PARVB: variants seen among roughly 807,000 people sequenced by gnomAD.
PARVB encodes beta-parvin.
PARVB carries 46 observed loss-of-function variants against 47.0 expected under a neutral mutation model. The observed-to-expected ratio is 0.98, with a 90% CI of 0.77 to 1.25. PARVB has a LOEUF of 1.25. PARVB is among the 50% of genes most tolerant of loss of function. The pLI is 0.00. For missense variants in PARVB, 473 were observed against 471.6 expected (o/e 1.00, Z -0.03); for synonymous variants, 196 against 196.3 (o/e 1.00, Z 0.01).
intron 2 of PARVB, among the ~76,000 whole-genome samples, chr22:44,012,500 C>A (rs938705572): frequency 6.6e-6 from 1 of 152,190 alleles, no homozygotes; most frequent in Admixed American, 6.5e-5. Flanking sequence ...TGCCAGATCA[C>A]TAAATTAGCA....
At chr22:44,027,236 G>A (rs566995175) in intron 1 of PARVB, among the ~76,000 whole-genome samples, 1 of 152,174 alleles carries the variant, frequency 6.6e-6, no homozygotes, top group Non-Finnish European at 1.5e-5. Context: ...GGAGGAGCCC[G>A]TGTGCAGAGA....
At chr22:44,129,044 C>T (rs1173596011) in intron 4 of PARVB, among the ~76,000 whole-genome samples, 2 of 152,160 alleles carry the variant, frequency 1.3e-5, no homozygotes, top group Non-Finnish European at 1.5e-5. Context: ...TGCCATTGCA[C>T]TCCAGCCTGG....
intron 5 of PARVB, among the ~76,000 whole-genome samples, chr22:44,132,118 C>G (rs1226503108): frequency 6.6e-6 from 1 of 152,204 alleles, no homozygotes; most frequent in Non-Finnish European, 1.5e-5. Context: ...CCCACTCCTT[C>G]CCCACCTCCC....
At chr22:44,110,098 G>A (rs1021693667) in intron 3 of PARVB, 3 of 114,678 alleles carry the variant, frequency 2.6e-5, no homozygotes, top group Non-Finnish European at 5.0e-5. Flanking sequence ...GGGCGACAGA[G>A]CGAGACTCCG....
intron 4 of PARVB, among the ~76,000 whole-genome samples, 188 bp from the exon 5 acceptor site, chr22:44,131,299 G>A (rs553469271): frequency 6.6e-6 from 1 of 151,580 alleles, no homozygotes; most frequent in Non-Finnish European, 1.5e-5. Context: ...GCGCCACCAC[G>A]CCTGGCTAAT....
At chr22:44,083,863 C>T (rs911628715) in intron 1 of PARVB, among the ~76,000 whole-genome samples, 1 of 152,138 alleles carries the variant, frequency 6.6e-6, no homozygotes, top group Admixed American at 6.5e-5. Context: ...GGAAGGATTT[C>T]TACATCAGAC....
At chr22:44,138,429 G>T (rs2053485476) in intron 7 of PARVB, among the ~76,000 whole-genome samples, 2 of 152,176 alleles carry the variant, frequency 1.3e-5, no homozygotes, top group South Asian at 4.1e-4. Context: ...GCCAGCCAGG[G>T]TCAGGGTAAA....
At position 44,131,568 on chromosome 22, in the gene PARVB, T is replaced by C. The variant is rs1601654214; in HGVS notation, c.458T>C (p.Leu153Pro). The C allele has an allele frequency of 6.2e-7, 1 of 1,614,156 alleles. No homozygotes were observed. The highest frequency in any genetic ancestry group is 8.5e-7 in the Non-Finnish European group (1 of 1,180,018). Residue 153 changes from leucine to proline, a missense_variant, in exon 5 of 13, where the codon CTG becomes CCG. Transcript: ENST00000338758. The stretch of plus-strand genomic sequence containing the variant: ...CAGAAACAGAAGCTGCAGACGGTGC[T>C]GGAAGCAGTACATGACCTGCTGCGG... ...IGQKQKLQTV[L>P]EAVHDLLRPR...
At chr22:44,122,520 C>T (rs7284401) in intron 4 of PARVB, among the ~76,000 whole-genome samples, 4 of 49,832 alleles carry the variant, frequency 8.0e-5, no homozygotes, top group Non-Finnish European at 1.7e-4. Flanking sequence ...GAGAGAGAGA[C>T]AGAGAGACAG....
upstream of PARVB, among the ~76,000 whole-genome samples, chr22:44,023,408 G>T (rs541920046): frequency 6.6e-6 from 1 of 152,050 alleles, no homozygotes; most frequent in Non-Finnish European, 1.5e-5. Flanking sequence ...CTACTCAGGA[G>T]GCTGAGACAG....
intron 8 of PARVB, chr22:44,145,775 C>T (rs2053651072): frequency 6.6e-6 from 1 of 152,224 alleles, no homozygotes; most frequent in African/African-American, 2.4e-5. Context: ...AGTGGCTTGA[C>T]TCTGCCAGCC....
intron 1 of PARVB, among the ~76,000 whole-genome samples, chr22:44,059,925 G>T (rs548009846): frequency 6.6e-6 from 1 of 152,248 alleles, no homozygotes; most frequent in Admixed American, 6.5e-5. Flanking sequence ...CTACCACGAT[G>T]CTTTCTCTGC....
At chr22:44,069,869 TC>T (rs1429512451) in intron 1 of PARVB, among the ~76,000 whole-genome samples, 1 of 152,172 alleles carries the variant, frequency 6.6e-6, no homozygotes, top group Non-Finnish European at 1.5e-5. Flanking sequence ...GTGTTTCCCC[TC>T]TAAGTAGCTG....
At chr22:44,062,990 G>A (rs1247455235) in intron 1 of PARVB, among the ~76,000 whole-genome samples, 1 of 152,174 alleles carries the variant, frequency 6.6e-6, no homozygotes, top group African/African-American at 2.4e-5. Context: ...TTCTAATTGT[G>A]TCTGGGTCTT....
intron 2 of PARVB, among the ~76,000 whole-genome samples, chr22:44,016,196 AC>A (rs1388379968): frequency 6.8e-6 from 1 of 147,072 alleles, no homozygotes; most frequent in Non-Finnish European, 1.5e-5. Context: ...TCCCAGGTTT[AC>A]GCAATTCTCC....
Position 44,125,294 on chromosome 22 carries a change from AAC to A in PARVB, c.376+6156_376+6157del, listed in dbSNP as rs201383509. Among the ~76,000 whole-genome samples the A allele has an allele frequency of 7.0e-6, 1 of 142,020 alleles. No individual in the cohort carries two copies. The highest frequency in any genetic ancestry group is 2.5e-5 in the African/African-American group (1 of 40,264). The allele number at this position is 142,020 out of a possible 152,430, so 93.2% of individuals were successfully genotyped here. ...TCTTGGCTGTAGAGACACAGTGGGA[AAC>A]AAGAGAGATGAGCCCCGCACCCTGC... On this transcript the variant is annotated intron_variant, in intron 4 of 12. Transcript: ENST00000338758. This position sits in a 1 kb window ranked among gnomAD's most constrained non-coding sequence, Gnocchi z 4.1.
intron 4 of PARVB, among the ~76,000 whole-genome samples, chr22:44,130,573 T>G (rs1195801365): frequency 6.6e-6 from 1 of 152,228 alleles, no homozygotes; most frequent in African/African-American, 2.4e-5. Context: ...TGTGAATATC[T>G]AATCTAACTT....
chr22:44,058,901 C>T (rs2051366262), intron 1 of PARVB, among the ~76,000 whole-genome samples: 1 of 151,844 alleles, frequency 6.6e-6, no homozygotes, highest in Admixed American at 6.6e-5. Context: ...GTACCTGGTG[C>T]TCAGTTAGTG....
At position 44,163,935 on chromosome 22, in the gene PARVB, T is replaced by A. The variant is rs1569165782; in HGVS notation, c.1018+5T>A. The A allele has an allele frequency of 1.2e-6, 2 of 1,606,540 alleles. No homozygotes were observed. The highest frequency in any genetic ancestry group is 1.3e-5 in the African/African-American group (1 of 74,744). ...AACCCAAGGCTCGTCCTGAAGGTAA[T>A]GCCCCTGGCTCAGGTTCCCCCGGGA... On this transcript the variant is annotated splice_donor_5th_base_variant and intron_variant, in intron 12 of 12. Transcript: ENST00000338758.
Sources: gnomAD v4.1 joint callset for allele counts (sites outside exome capture counted in the v4.1 genomes callset) on GRCh38, gnomAD v4.1.1 for gene constraint, Gnocchi (gnomAD v3.1) non-coding constraint, MANE v1.5 for transcripts, NCBI Gene and HGNC (gene_info 2026-07-23, HGNC 2026-07-21) for gene names.